Variants in ZNF804A observed in about 807,000 individuals in gnomAD.
ZNF804A encodes the protein zinc finger protein 804A.
In ZNF804A, 2 loss-of-function variants were observed where a neutral mutation model predicts 16.5. The observed-to-expected ratio is 0.12, with a 90% CI of 0.05 to 0.38. ZNF804A has a LOEUF of 0.38. ZNF804A is among the 10% of genes least tolerant of loss of function. The pLI, the probability that ZNF804A is intolerant of heterozygous loss-of-function variation, is 0.99. For synonymous variants in ZNF804A, 534 were observed against 489.6 expected, an observed-to-expected ratio of 1.09 and a Z score of -1.20; for missense variants, 1,473 against 1,390.7, an observed-to-expected ratio of 1.06 and a Z score of -0.94.
intron 1 of ZNF804A, among the ~76,000 whole-genome samples, chr2:184,817,849 G>A (rs1007418514): frequency 1.3e-5 from 2 of 151,806 alleles, no homozygotes; most frequent in Non-Finnish European, 2.9e-5. Flanking sequence ...AGGCAGAAAA[G>A]GACAGAGGAA....
At chr2:184,606,917 GA>G (rs1282976604) in intron 1 of ZNF804A, among the ~76,000 whole-genome samples, 10 of 152,012 alleles carry the variant, frequency 6.6e-5, no homozygotes, top group African/African-American at 2.2e-4. Flanking sequence ...CTGATACAGT[GA>G]AAATCAGTTT....
At chr2:184,861,630 C>G (rs937208713) in intron 1 of ZNF804A, among the ~76,000 whole-genome samples, 1 of 152,156 alleles carries the variant, frequency 6.6e-6, no homozygotes, top group African/African-American at 2.4e-5. Context: ...AGAGCTCACA[C>G]TTGTCAGGGA....
chr2:184,877,381 G>A (rs1035789255), intron 2 of ZNF804A, among the ~76,000 whole-genome samples: 32 of 151,870 alleles, frequency 2.1e-4, no homozygotes, highest in African/African-American at 7.5e-4. Flanking sequence ...ATTCATCCAG[G>A]AAAAAATATG....
At chr2:184,634,316 C>A (rs987616056) in intron 1 of ZNF804A, among the ~76,000 whole-genome samples, 2 of 152,092 alleles carry the variant, frequency 1.3e-5, no homozygotes, top group Non-Finnish European at 2.9e-5. Flanking sequence ...AAATACTTAA[C>A]CTGTGTAGTA....
At chr2:184,896,970 G>A (rs926023118) in intron 2 of ZNF804A, among the ~76,000 whole-genome samples, 14 of 151,934 alleles carry the variant, frequency 9.2e-5, no homozygotes, top group African/African-American at 3.1e-4. Flanking sequence ...TCTACTTGTG[G>A]TGGGTTTTAT....
At chr2:184,782,300 CTGGG>C (rs930031292) in intron 1 of ZNF804A, among the ~76,000 whole-genome samples, 1 of 151,392 alleles carries the variant, frequency 6.6e-6, no homozygotes, top group Non-Finnish European at 1.5e-5. Context: ...AGTATTGATC[CTGGG>C]TGTGTCTACG....
At chr2:184,646,112 A>T (rs1185347518) in intron 1 of ZNF804A, among the ~76,000 whole-genome samples, 1 of 152,234 alleles carries the variant, frequency 6.6e-6, no homozygotes. Context: ...ACATACATAC[A>T]AAGTCAGCCA....
At position 184,719,347 on chromosome 2, in the gene ZNF804A, C is replaced by T. The variant is rs533646163; in HGVS notation, c.111+120277C>T. Among the ~76,000 whole-genome samples the T allele has an allele frequency of 2.6e-4, 39 of 152,220 alleles. No homozygotes were observed. In the South Asian group the frequency reaches 6.6e-3, roughly 26 times the overall value. ...GAGGGGCTGCCACAAAGGTCTCTGA[C>T]ATGCCCTGGAGACATTTTCCCATTG... On this transcript the variant is annotated intron_variant, in intron 1 of 3. Transcript: ENST00000302277.
At chr2:184,882,841 C>A (rs1684829256) in intron 2 of ZNF804A, among the ~76,000 whole-genome samples, 2 of 151,940 alleles carry the variant, frequency 1.3e-5, no homozygotes, top group Admixed American at 1.3e-4. Context: ...CTAGAGAGAT[C>A]TCAAATTAGC....
chr2:184,770,375 G>A (rs887247721), intron 1 of ZNF804A, among the ~76,000 whole-genome samples: 1 of 151,856 alleles, frequency 6.6e-6, no homozygotes, highest in Non-Finnish European at 1.5e-5. Context: ...GTGTTATAAC[G>A]TTTTCATAAA....
At position 184,713,489 on chromosome 2, in the gene ZNF804A, A is replaced by G. The variant is rs115619804; in HGVS notation, c.111+114419A>G. Reference sequence around the variant, plus strand: ...AAAAAGTATGTCTTCCATGAGTGATAATAGGTTGTATATGGCACTCTAATG... The same window carrying G: ...AAAAAGTATGTCTTCCATGAGTGATGATAGGTTGTATATGGCACTCTAATG... On this transcript the variant is annotated intron_variant, in intron 1 of 3. Coordinates refer to ENST00000302277, the MANE Select transcript of ZNF804A (RefSeq NM_194250.2). 2.0e-3 allele frequency among the ~76,000 whole-genome samples: 307 copies of G among 152,082 alleles called. 1 individual carries two copies. The highest frequency in any genetic ancestry group is 7.1e-3 in the African/African-American group (295 of 41,560).
intron 2 of ZNF804A, among the ~76,000 whole-genome samples, chr2:184,931,115 C>T (rs916917577): frequency 6.6e-6 from 1 of 152,204 alleles, no homozygotes; most frequent in Non-Finnish European, 1.5e-5. Context: ...GGAAAGACCT[C>T]TTCCTGGCTG....
chr2:184,772,981 A>C (rs993782133), intron 1 of ZNF804A, among the ~76,000 whole-genome samples: 1 of 125,958 alleles, frequency 7.9e-6, no homozygotes, highest in Non-Finnish European at 1.6e-5. Flanking sequence ...GTATATATAT[A>C]TGTGTGTGTG....
In ZNF804A at chr2:184,933,180, G is replaced by A. The variant is rs192155323; in HGVS notation, c.256-423G>A. ...ACACACACACAGACACAAAGGACCA[G>A]ATAACTTTCTAATATACTGTACATC... is the stretch of plus-strand genomic sequence containing the variant. On this transcript the variant is annotated intron_variant, in intron 2 of 3. Coordinates refer to ENST00000302277, the MANE Select transcript of ZNF804A (RefSeq NM_194250.2). Among the ~76,000 whole-genome samples the A allele has an allele frequency of 4.0e-3, 604 of 151,532 alleles. 4 individuals are homozygous for A. The highest frequency in any genetic ancestry group is 0.014 in the African/African-American group (567 of 41,324).
At chr2:184,613,501 T>C (rs1318728704) in intron 1 of ZNF804A, among the ~76,000 whole-genome samples, 3 of 152,202 alleles carry the variant, frequency 2.0e-5, no homozygotes, top group African/African-American at 4.8e-5. Flanking sequence ...CTGAAAATCA[T>C]GTTAGTAAGA....
At chr2:184,848,728 A>G (rs1010961614) in intron 1 of ZNF804A, among the ~76,000 whole-genome samples, 1 of 152,086 alleles carries the variant, frequency 6.6e-6, no homozygotes, top group African/African-American at 2.4e-5. Context: ...ACACAGCTGT[A>G]GCTAGGAACC....
chr2:184,891,465 T>G (rs918982047), intron 2 of ZNF804A, among the ~76,000 whole-genome samples: 4 of 152,176 alleles, frequency 2.6e-5, no homozygotes, highest in African/African-American at 4.8e-5. Context: ...TAATAAAATT[T>G]TACTGCATTC....
intron 1 of ZNF804A, among the ~76,000 whole-genome samples, chr2:184,648,704 T>C (rs1312294362): frequency 3.9e-5 from 6 of 152,162 alleles, no homozygotes; most frequent in Admixed American, 3.9e-4. Flanking sequence ...GCACAACTTA[T>C]GATAAAGGAT....
chr2:184,619,123 G>A (rs1164614228), intron 1 of ZNF804A, among the ~76,000 whole-genome samples: 1 of 151,980 alleles, frequency 6.6e-6, no homozygotes, highest in East Asian at 1.9e-4. Context: ...AGGAGCCTGT[G>A]AGCAGACGTT....
Sources: allele counts gnomAD v4.1 joint callset (sites outside exome capture counted in the v4.1 genomes callset), GRCh38; gene constraint gnomAD v4.1.1; transcripts MANE v1.5; gene names NCBI Gene and HGNC (gene_info 2026-07-23, HGNC 2026-07-21).